DGKB: variants seen among roughly 807,000 people sequenced by gnomAD.
DGKB encodes 90 kDa diacylglycerol kinase.
In DGKB, 67 loss-of-function variants were observed where a neutral mutation model predicts 114.3. That is an observed-to-expected ratio of 0.59 (90% CI 0.48 to 0.72). The LOEUF (loss-of-function observed/expected upper bound fraction) is 0.72. DGKB is among the 30% of genes least tolerant of loss of function. DGKB has a pLI of 0.00. For synonymous variants in DGKB, 398 were observed against 323.1 expected, an observed-to-expected ratio of 1.23 and a Z score of -2.49; for missense variants, 907 against 975.2, an observed-to-expected ratio of 0.93 and a Z score of 0.93.
chr7:14,152,542 T>C (rs1381212922), intron 25 of DGKB, among the ~76,000 whole-genome samples: 1 of 152,022 alleles, frequency 6.6e-6, no homozygotes, highest in African/African-American at 2.4e-5. Flanking sequence ...TCATGTACCC[T>C]TCTAGAAAAG....
chr7:14,767,175 A>G (rs1836582926), intron 2 of DGKB, among the ~76,000 whole-genome samples: 1 of 151,784 alleles, frequency 6.6e-6, no homozygotes, highest in Non-Finnish European at 1.5e-5. Context: ...TTCTAATAGA[A>G]ATTATTCAGT....
At chr7:14,853,783 G>T (rs1265661492) in intron 1 of DGKB, among the ~76,000 whole-genome samples, 1 of 149,714 alleles carries the variant, frequency 6.7e-6, no homozygotes, top group Non-Finnish European at 1.5e-5. Flanking sequence ...CAGGAGAATG[G>T]CGTGAACCCA....
chr7:14,173,820 T>C (rs1781354430), intron 25 of DGKB, among the ~76,000 whole-genome samples: 2 of 152,202 alleles, frequency 1.3e-5, no homozygotes, highest in South Asian at 2.1e-4. Flanking sequence ...TAGTCTACTA[T>C]GATTCTTGGC....
At chr7:14,480,873 A>C (rs1256179693) in intron 20 of DGKB, among the ~76,000 whole-genome samples, 1 of 152,118 alleles carries the variant, frequency 6.6e-6, no homozygotes, top group Admixed American at 6.6e-5. Context: ...TCATATTTTC[A>C]TACATCTTAT....
intron 23 of DGKB, among the ~76,000 whole-genome samples, chr7:14,217,581 C>T (rs192328557): frequency 7.9e-5 from 12 of 151,668 alleles, no homozygotes; most frequent in African/African-American, 2.9e-4. Flanking sequence ...CATATGCTGA[C>T]CAGTTACACG....
intron 1 of DGKB, among the ~76,000 whole-genome samples, chr7:14,881,430 T>C (rs1854215811): frequency 6.6e-6 from 1 of 152,186 alleles, no homozygotes; most frequent in South Asian, 2.1e-4. Context: ...TCATTTGCTT[T>C]TGATTTTTAT....
At chr7:14,849,457 T>A (rs1207874809) in intron 1 of DGKB, among the ~76,000 whole-genome samples, 1 of 152,104 alleles carries the variant, frequency 6.6e-6, no homozygotes, top group Non-Finnish European at 1.5e-5. Flanking sequence ...CCTTTGCCCC[T>A]TTGCCCTTCC....
At chr7:14,520,258 TTTC>T (rs1789546573) in intron 20 of DGKB, among the ~76,000 whole-genome samples, 1 of 150,548 alleles carries the variant, frequency 6.6e-6, no homozygotes, top group South Asian at 2.1e-4. Context: ...TTTTGTCGGT[TTTC>T]TTATCTTATA....
intron 23 of DGKB, among the ~76,000 whole-genome samples, chr7:14,335,476 A>T (rs939942258): frequency 6.6e-6 from 1 of 152,098 alleles, no homozygotes; most frequent in African/African-American, 2.4e-5. Flanking sequence ...ACTTCTGATA[A>T]TTTTTTACAG....
chr7:14,271,110 T>A (rs934245449), intron 23 of DGKB, among the ~76,000 whole-genome samples: 9 of 152,176 alleles, frequency 5.9e-5, no homozygotes, highest in Admixed American at 2.0e-4. Flanking sequence ...CAGAAATCGT[T>A]TACAGGGCAA....
At chr7:14,317,574 AC>A (rs1163694078) in intron 23 of DGKB, among the ~76,000 whole-genome samples, 1 of 150,410 alleles carries the variant, frequency 6.6e-6, no homozygotes, top group African/African-American at 2.5e-5. Flanking sequence ...AATCCAACTT[AC>A]AAGGGATGTG....
chr7:14,299,349 C>T (rs1256988894), intron 23 of DGKB, among the ~76,000 whole-genome samples: 1 of 152,118 alleles, frequency 6.6e-6, no homozygotes, highest in Non-Finnish European at 1.5e-5. Context: ...TGTAGAATTA[C>T]ATTTCTGTAA....
At chr7:14,799,606 C>T (rs1841872075) in intron 2 of DGKB, among the ~76,000 whole-genome samples, 1 of 152,196 alleles carries the variant, frequency 6.6e-6, no homozygotes, top group African/African-American at 2.4e-5. Context: ...GCATTTGGCT[C>T]TCCCTACAAC....
intron 1 of DGKB, among the ~76,000 whole-genome samples, chr7:14,951,606 C>T (rs749177444): frequency 4.6e-5 from 7 of 151,856 alleles, no homozygotes; most frequent in East Asian, 2.0e-4. Flanking sequence ...ATATATTTGT[C>T]AAAACCAAAA....
intron 1 of DGKB, among the ~76,000 whole-genome samples, chr7:14,887,012 G>GC (rs1780392086): frequency 6.6e-6 from 1 of 151,590 alleles, no homozygotes; most frequent in African/African-American, 2.4e-5. Flanking sequence ...CCTTCAAATC[G>GC]CAATTTATAA....
chr7:14,875,100 G>T (rs1378816796), intron 1 of DGKB, among the ~76,000 whole-genome samples: 2 of 151,948 alleles, frequency 1.3e-5, no homozygotes, highest in Non-Finnish European at 2.9e-5. Flanking sequence ...GAGCTAAGAT[G>T]AATTCCCCTG....
chr7:14,295,444 C>G (rs78955127), intron 23 of DGKB, among the ~76,000 whole-genome samples: 3,323 of 152,154 alleles, frequency 0.022, 99 homozygotes, highest in African/African-American at 0.075. Flanking sequence ...AATTATAATT[C>G]TCCAAAGCCT....
intron 2 of DGKB, among the ~76,000 whole-genome samples, chr7:14,806,577 A>C (rs539416257): frequency 3.3e-5 from 5 of 152,172 alleles, no homozygotes; most frequent in African/African-American, 4.8e-5. Flanking sequence ...GAAAATATTT[A>C]AAATAAGGCA....
At chr7:14,232,373 G>GA (rs5882434) in intron 23 of DGKB, among the ~76,000 whole-genome samples, 4,653 of 142,454 alleles carry the variant, frequency 0.033, 194 homozygotes, top group African/African-American at 0.095. Flanking sequence ...GTAAGTTAGT[G>GA]AAAAAAAAAA....
Sources: gnomAD v4.1 joint callset for allele counts (sites outside exome capture counted in the v4.1 genomes callset) on GRCh38, gnomAD v4.1.1 for gene constraint, MANE v1.5 for transcripts, NCBI Gene and HGNC (gene_info 2026-07-23, HGNC 2026-07-21) for gene names.